The following ACOXL variants were observed in gnomAD, a reference collection of about 807,000 sequenced individuals.
ACOXL encodes acyl-CoA oxidase like, also known as acyl-coenzyme A oxidase-like protein.
Under a neutral mutation model 71.9 loss-of-function variants are expected in ACOXL, and 70 were observed. The observed-to-expected ratio is 0.97, with a 90% CI of 0.80 to 1.19. The LOEUF is 1.19. ACOXL is among the 50% of genes most tolerant of loss of function. The pLI is 0.00. For missense variants in ACOXL, 703 were observed against 736.3 expected (o/e 0.95, Z 0.52); for synonymous variants, 253 against 281.6 (o/e 0.90, Z 1.02).
chr2:110,778,314 G>A (rs775878077), intron 2 of ACOXL, among the ~76,000 whole-genome samples: 2 of 152,174 alleles, frequency 1.3e-5, no homozygotes, highest in Non-Finnish European at 2.9e-5. Flanking sequence ...CAAAAATGAT[G>A]CATGTTCATT....
intron 14 of ACOXL, among the ~76,000 whole-genome samples, chr2:111,026,561 G>T (rs2065025236): frequency 1.3e-5 from 2 of 150,588 alleles, no homozygotes; most frequent in South Asian, 2.1e-4. Flanking sequence ...GTATCCTTAA[G>T]GATTTCACAT....
intron 2 of ACOXL, 32 bp downstream of exon 2, chr2:110,768,496 G>A (rs1423759193): frequency 1.4e-6 from 2 of 1,469,406 alleles, no homozygotes; most frequent in Non-Finnish European, 1.9e-6. Flanking sequence ...GTATGGTTGT[G>A]TGTGTGTGTG....
intron 14 of ACOXL, among the ~76,000 whole-genome samples, chr2:111,021,603 G>A (rs1031952603): frequency 2.6e-5 from 4 of 152,100 alleles, no homozygotes; most frequent in Non-Finnish European, 5.9e-5. Context: ...ACAGAAAGAG[G>A]GCATCTCAGA....
intron 10 of ACOXL, among the ~76,000 whole-genome samples, chr2:110,905,139 C>T (rs902636588): frequency 6.6e-6 from 1 of 152,078 alleles, no homozygotes. Flanking sequence ...ACATGAAATG[C>T]TCAGGGCATT....
chr2:110,866,564 G>T (rs1270421818), intron 10 of ACOXL, among the ~76,000 whole-genome samples: 1 of 152,098 alleles, frequency 6.6e-6, no homozygotes, highest in African/African-American at 2.4e-5. Context: ...TCTTGATGGA[G>T]ACAAAAGAGC....
chr2:110,915,428 A>ATT lies in ACOXL; in HGVS notation c.905+6535_905+6536dup, dbSNP rs56961921. ...TATACATATATATATATATATATATATTTTTTTTTTTTTGAGATGGAGTCT... is the reference window on the plus strand; with the variant it reads ...TATACATATATATATATATATATATATTTTTTTTTTTTTTTGAGATGGAGTCT... On this transcript the variant is annotated intron_variant, in intron 11 of 17. Coordinates refer to ENST00000439055, the MANE Select transcript of ACOXL (RefSeq NM_001142807.4). Among the ~76,000 whole-genome samples, 521 of 107,952 alleles carry ATT rather than the reference A, an allele frequency of 4.8e-3. 9 individuals carry two copies. The highest frequency in any genetic ancestry group is 0.027 in the Middle Eastern group (5 of 188). 70.8% of individuals were successfully genotyped at this position (107,952 alleles called of 152,430 possible). A position where few individuals can be genotyped will look rare whatever the true frequency, so the allele number is the denominator to read the frequency against.
chr2:110,776,987 G>A (rs1262593857), intron 2 of ACOXL, among the ~76,000 whole-genome samples: 1 of 151,908 alleles, frequency 6.6e-6, no homozygotes, highest in Admixed American at 6.6e-5. Context: ...GACAGACACT[G>A]ATACATGGAA....
At chr2:110,959,479 C>A (rs534724383) in intron 12 of ACOXL, among the ~76,000 whole-genome samples, 1 of 152,284 alleles carries the variant, frequency 6.6e-6, no homozygotes, top group South Asian at 2.1e-4. Context: ...CCACTTCCTC[C>A]CCCTGAAAAC....
intron 12 of ACOXL, among the ~76,000 whole-genome samples, chr2:110,981,678 C>T (rs1254119516): frequency 1.3e-5 from 2 of 152,140 alleles, no homozygotes; most frequent in Non-Finnish European, 2.9e-5. Flanking sequence ...GTCAAAAGCT[C>T]TCCTGTTCCA....
chr2:111,088,453 G>GA (rs1338956523), intron 16 of ACOXL, among the ~76,000 whole-genome samples: 5 of 152,010 alleles, frequency 3.3e-5, no homozygotes, highest in East Asian at 3.9e-4. Context: ...ATGCAGCCAT[G>GA]AAAAAAAATG....
intron 3 of ACOXL, among the ~76,000 whole-genome samples, chr2:110,792,953 T>G (rs1320012875): frequency 6.6e-6 from 1 of 152,176 alleles, no homozygotes; most frequent in East Asian, 1.9e-4. Context: ...AGGATGTGGG[T>G]GAGACACTTT....
intron 2 of ACOXL, among the ~76,000 whole-genome samples, chr2:110,773,058 A>G (rs533161322): frequency 1.3e-5 from 2 of 152,374 alleles, no homozygotes; most frequent in South Asian, 2.1e-4. Context: ...GAAAAGGTCC[A>G]GGGACCATAA....
chr2:111,077,782 A>G (rs1208444451), intron 16 of ACOXL, among the ~76,000 whole-genome samples: 1 of 152,180 alleles, frequency 6.6e-6, no homozygotes, highest in Non-Finnish European at 1.5e-5. Context: ...TCAATCATTC[A>G]GATTGTTTTT....
In ACOXL at chr2:110,997,241, C is replaced by T. The variant is rs2063438004; in HGVS notation, c.1281+1237C>T. On this transcript the variant is annotated intron_variant, in intron 14 of 17. Transcript: ENST00000439055. The stretch of plus-strand genomic sequence containing the variant: ...GCAGAGTGAAATGATAGAAATCTAA[C>T]CTATGGATAACAAATATTCCTGGAA... Among the ~76,000 whole-genome samples the T allele has an allele frequency of 2.0e-5, 3 of 152,038 alleles. No homozygotes were observed. In the South Asian group the frequency reaches 6.2e-4, roughly 32 times the overall value.
chr2:110,979,057 G>A (rs961436993), intron 12 of ACOXL, among the ~76,000 whole-genome samples: 24 of 151,984 alleles, frequency 1.6e-4, no homozygotes, highest in Non-Finnish European at 2.4e-4. Context: ...GTAGAGGGAG[G>A]CCAGGGGAGG....
intron 11 of ACOXL, among the ~76,000 whole-genome samples, chr2:110,924,532 G>T (rs565207908): frequency 6.6e-6 from 1 of 152,280 alleles, no homozygotes; most frequent in East Asian, 1.9e-4. Flanking sequence ...ACCAGGAGTA[G>T]ATTCTATCTC....
At chr2:110,739,129 A>G (rs1290992435) in intron 1 of ACOXL, among the ~76,000 whole-genome samples, 1 of 152,060 alleles carries the variant, frequency 6.6e-6, no homozygotes, top group Non-Finnish European at 1.5e-5. Flanking sequence ...TGAGGCTTTC[A>G]TTAAATGTCA....
intron 16 of ACOXL, among the ~76,000 whole-genome samples, chr2:111,064,958 T>A (rs1395028376): frequency 6.6e-6 from 1 of 152,224 alleles, no homozygotes; most frequent in African/African-American, 2.4e-5. Context: ...TTTAACCTAA[T>A]TTTTATCAAA....
chr2:111,011,994 ACT>A (rs1208947097), intron 14 of ACOXL, among the ~76,000 whole-genome samples: 1 of 102,484 alleles, frequency 9.8e-6, no homozygotes, highest in Non-Finnish European at 2.0e-5. Context: ...ACACAGGTAT[ACT>A]CCATAATAGA....
Sources: gnomAD v4.1 joint callset for allele counts (sites outside exome capture counted in the v4.1 genomes callset) on GRCh38, gnomAD v4.1.1 for gene constraint, MANE v1.5 for transcripts, NCBI Gene and HGNC (gene_info 2026-07-23, HGNC 2026-07-21) for gene names.